The following SLC9A9 variants were observed in gnomAD, a reference collection of about 807,000 sequenced individuals.
The protein encoded by SLC9A9 is solute carrier family 9 member A9.
A neutral mutation model predicts 77.8 loss-of-function variants in SLC9A9; 62 were observed. That is an observed-to-expected ratio of 0.80 (90% confidence interval 0.65 to 0.98). The LOEUF is 0.98. Ranked by LOEUF, SLC9A9 falls within the 50% of genes least tolerant of loss-of-function variation. SLC9A9 has a pLI of 0.00. For synonymous variants in SLC9A9, 320 were observed against 283.5 expected, an observed-to-expected ratio of 1.13 and a Z score of -1.29; for missense variants, 775 against 774.9, an observed-to-expected ratio of 1.00 and a Z score of 0.00.
chr3:143,640,183 G>T (rs1462872694), intron 6 of SLC9A9, among the ~76,000 whole-genome samples: 1 of 151,818 alleles, frequency 6.6e-6, no homozygotes, highest in East Asian at 1.9e-4. Flanking sequence ...CACCACGCCC[G>T]GCTAATTTTT....
intron 4 of SLC9A9, among the ~76,000 whole-genome samples, chr3:143,708,670 G>A (rs1311200253): frequency 6.6e-6 from 1 of 152,130 alleles, no homozygotes; most frequent in Non-Finnish European, 1.5e-5. Flanking sequence ...TAAAACCTTA[G>A]AAGATGATTC....
chr3:143,504,125 C>A, intron 9 of SLC9A9: 2 of 466,548 alleles, frequency 4.3e-6, no homozygotes, highest in South Asian at 1.7e-5. Flanking sequence ...TGGGTGGAAT[C>A]ATACTGAAAC....
chr3:143,335,709 T>G (rs1158932047), intron 14 of SLC9A9, among the ~76,000 whole-genome samples: 1 of 152,194 alleles, frequency 6.6e-6, no homozygotes. Context: ...AATATCCATA[T>G]GCAAAAGAAC....
intron 9 of SLC9A9, among the ~76,000 whole-genome samples, chr3:143,513,426 C>T (rs993870087): frequency 2.6e-5 from 4 of 152,194 alleles, no homozygotes; most frequent in African/African-American, 9.7e-5. Context: ...AATTCTATTT[C>T]TCTTGCTATT....
chr3:143,417,757 G>A (rs2034223822), intron 12 of SLC9A9, among the ~76,000 whole-genome samples: 1 of 152,070 alleles, frequency 6.6e-6, no homozygotes, highest in South Asian at 2.1e-4. Context: ...AGTGTCTGTT[G>A]TTTAAGGCAC....
chr3:143,779,485 C>CTT (rs1362614568), intron 4 of SLC9A9, among the ~76,000 whole-genome samples: 128 of 152,268 alleles, frequency 8.4e-4, no homozygotes, highest in African/African-American at 3.0e-3. Context: ...AATCCTCCTG[C>CTT]CTCAGCCTCT....
intron 13 of SLC9A9, among the ~76,000 whole-genome samples, chr3:143,370,602 C>CA: frequency 2.0e-5 from 3 of 149,872 alleles, no homozygotes; most frequent in Admixed American, 6.6e-5. Context: ...CACACACACA[C>CA]CCTAACAAAT....
At chr3:143,593,168 G>A (rs942733491) in intron 6 of SLC9A9, among the ~76,000 whole-genome samples, 1 of 152,186 alleles carries the variant, frequency 6.6e-6, no homozygotes, top group Non-Finnish European at 1.5e-5. Context: ...TAAGGTACGG[G>A]CCAGAAGGAG....
At chr3:143,517,569 G>C in intron 9 of SLC9A9, 1 of 1,597,578 alleles carries the variant, frequency 6.3e-7, no homozygotes. Context: ...ACTTCTTTCA[G>C]CATTGCACTA....
intron 14 of SLC9A9, among the ~76,000 whole-genome samples, chr3:143,286,718 G>T (rs911355733): frequency 1.3e-5 from 2 of 152,216 alleles, no homozygotes; most frequent in Non-Finnish European, 2.9e-5. Context: ...GAGCTGGAAA[G>T]CAATCACACC....
intron 14 of SLC9A9, among the ~76,000 whole-genome samples, chr3:143,287,896 C>T (rs933719777): frequency 1.3e-5 from 2 of 152,174 alleles, no homozygotes; most frequent in Non-Finnish European, 1.5e-5. Context: ...ATTACACCAA[C>T]TGCTTACTTT....
rs1344738946 is a variant in SLC9A9 at position 143,715,348 on chromosome 3, T to C, written c.534-22041A>G. Among the ~76,000 whole-genome samples the C allele has an allele frequency of 5.3e-5, 8 of 152,180 alleles. No individual in the cohort carries two copies. In the East Asian group the frequency reaches 9.6e-4, roughly 18 times the overall value. ...CATCTCTTTTGACTTCAGATGTTAA[T>C]GGTATTTCACTCTTACTAGCCCTGG... is the stretch of plus-strand genomic sequence containing the variant. On this transcript the variant is annotated intron_variant, in intron 4 of 15. Transcript: ENST00000316549.
chr3:143,554,596 G>A (rs929583450), intron 8 of SLC9A9, among the ~76,000 whole-genome samples: 2 of 152,104 alleles, frequency 1.3e-5, no homozygotes, highest in African/African-American at 2.4e-5. Flanking sequence ...TAGCAATAAC[G>A]CTTCTTTAAA....
chr3:143,689,450 G>A (rs2108779607), intron 5 of SLC9A9, among the ~76,000 whole-genome samples: 1 of 152,282 alleles, frequency 6.6e-6, no homozygotes, highest in African/African-American at 2.4e-5. Flanking sequence ...TCAGGCTGGA[G>A]TGCAGTGACA....
intron 12 of SLC9A9, among the ~76,000 whole-genome samples, chr3:143,440,793 T>C (rs1393961712): frequency 6.6e-6 from 1 of 152,234 alleles, no homozygotes; most frequent in East Asian, 1.9e-4. Context: ...CTGGTAAAAC[T>C]GAAGCCGTTT....
chr3:143,516,654 T>C (rs1020706129), intron 9 of SLC9A9, among the ~76,000 whole-genome samples: 2 of 152,190 alleles, frequency 1.3e-5, no homozygotes, highest in Non-Finnish European at 2.9e-5. Context: ...TCTCCTTTGA[T>C]TACCCTTCTT....
chr3:143,530,172 A>G (rs1205325615), intron 9 of SLC9A9, among the ~76,000 whole-genome samples: 2 of 152,236 alleles, frequency 1.3e-5, no homozygotes, highest in Non-Finnish European at 1.5e-5. Flanking sequence ...CATGCCTAAT[A>G]AAATATTCAA....
intron 2 of SLC9A9, among the ~76,000 whole-genome samples, chr3:143,814,892 T>C (rs1576746888): frequency 6.6e-6 from 1 of 151,320 alleles, no homozygotes; most frequent in Non-Finnish European, 1.5e-5. Context: ...GTACAGGAGG[T>C]TAAGGAAAAA....
chr3:143,810,643 C>T (rs906124301), intron 2 of SLC9A9, among the ~76,000 whole-genome samples: 4 of 152,122 alleles, frequency 2.6e-5, no homozygotes, highest in African/African-American at 9.7e-5. Context: ...GCTAACATAA[C>T]CATTTTAAGC....
Sources: gnomAD v4.1 joint callset for allele counts (sites outside exome capture counted in the v4.1 genomes callset) on GRCh38, gnomAD v4.1.1 for gene constraint, MANE v1.5 for transcripts, NCBI Gene and HGNC (gene_info 2026-07-23, HGNC 2026-07-21) for gene names.